The following ASIC2 variants were observed in gnomAD, a reference collection of about 807,000 sequenced individuals.
ASIC2 encodes acid sensing ion channel subunit 2, also known as acid-sensing ion channel 2.
Under a neutral mutation model 57.3 loss-of-function variants are expected in ASIC2, and 25 were observed. The ratio of observed to expected loss-of-function variants is 0.44; its 90% CI spans 0.32 to 0.61. ASIC2 has a LOEUF of 0.61. ASIC2 is among the 20% of genes least tolerant of loss of function. ASIC2 has a pLI of 0.06. For missense variants in ASIC2, 641 were observed against 738.1 expected, an observed-to-expected ratio of 0.87 and a Z score of 1.52; for synonymous variants, 319 against 307.5, an observed-to-expected ratio of 1.04 and a Z score of -0.39.
chr17:33,541,262 T>G (rs570951300), intron 1 of ASIC2: 1 of 152,282 alleles, frequency 6.6e-6, no homozygotes, highest in South Asian at 2.1e-4. Flanking sequence ...TCTCTCTCTC[T>G]CTCTTAAATT....
chr17:33,306,459 A>C (rs1387468572), intron 1 of ASIC2, among the ~76,000 whole-genome samples: 7 of 152,156 alleles, frequency 4.6e-5, no homozygotes, highest in African/African-American at 1.4e-4. Context: ...TTGGAACTGC[A>C]GTTTTACTCG....
chr17:33,322,743 G>T (rs140461437), intron 1 of ASIC2, among the ~76,000 whole-genome samples: 2 of 152,214 alleles, frequency 1.3e-5, no homozygotes, highest in East Asian at 1.9e-4. Context: ...GGGAGAGCAG[G>T]AAGAGCAGAG....
intron 1 of ASIC2, among the ~76,000 whole-genome samples, chr17:33,343,903 T>C (rs1310966243): frequency 6.6e-6 from 1 of 152,204 alleles, no homozygotes; most frequent in East Asian, 1.9e-4. Context: ...TTGCCCAGAC[T>C]TTGTCCCGTC....
chr17:33,787,552 G>A (rs1911642641), intron 1 of ASIC2, among the ~76,000 whole-genome samples: 1 of 152,160 alleles, frequency 6.6e-6, no homozygotes, highest in Non-Finnish European at 1.5e-5. Context: ...CCTCTAGAAG[G>A]TATCATGTTC....
chr17:33,951,542 C>G (rs1346170531), intron 1 of ASIC2, among the ~76,000 whole-genome samples: 2 of 151,966 alleles, frequency 1.3e-5, no homozygotes, highest in Admixed American at 1.3e-4. Flanking sequence ...TGCCTATACG[C>G]TATACCTATT....
intron 1 of ASIC2, among the ~76,000 whole-genome samples, chr17:34,008,174 T>C (rs1906593117): frequency 6.6e-6 from 1 of 152,216 alleles, no homozygotes; most frequent in Non-Finnish European, 1.5e-5. Context: ...ATGCAGTAAT[T>C]ATGTCACTAT....
intron 1 of ASIC2, among the ~76,000 whole-genome samples, chr17:33,335,082 AG>A (rs1212323169): frequency 6.6e-6 from 1 of 152,236 alleles, no homozygotes. Context: ...CAAAAGAGAC[AG>A]GTCTATTATC....
chr17:33,225,680 G>T (rs1370517337), intron 1 of ASIC2, among the ~76,000 whole-genome samples: 1 of 152,182 alleles, frequency 6.6e-6, no homozygotes, highest in Non-Finnish European at 1.5e-5. Context: ...GATCAGTACA[G>T]CTCTGAGCAG....
chr17:33,234,477 C>T (rs1333978897), intron 1 of ASIC2, among the ~76,000 whole-genome samples: 1 of 152,158 alleles, frequency 6.6e-6, no homozygotes, highest in African/African-American at 2.4e-5. Flanking sequence ...TGGCCCTCTT[C>T]TCTGCCCACA....
Position 33,864,273 on chromosome 17 carries a change from AT to A in ASIC2, c.555+291704del, listed in dbSNP as rs1914175266. Among the ~76,000 whole-genome samples the A allele has an allele frequency of 2.0e-5, 3 of 152,314 alleles. No individual in the cohort carries two copies. The South Asian group carries it at 6.2e-4, about 32-fold the overall frequency. On this transcript the variant is annotated intron_variant, in intron 1 of 9. Coordinates refer to the ASIC2 transcript ENST00000359872. ...TATGTGGTGATTTAAAGTTTCCACTATACACATATTTATGGGGAAAAAAAGT... is the reference window on the plus strand; with the variant it reads ...TATGTGGTGATTTAAAGTTTCCACTAACACATATTTATGGGGAAAAAAAGT...
intron 1 of ASIC2, among the ~76,000 whole-genome samples, chr17:33,916,390 C>T (rs1915586137): frequency 2.0e-5 from 3 of 152,130 alleles, no homozygotes; most frequent in Admixed American, 2.0e-4. Flanking sequence ...ATGAAGCCCA[C>T]CCAGAGAGGT....
At chr17:33,022,675 C>A (rs1293452777) in intron 6 of ASIC2, among the ~76,000 whole-genome samples, 2 of 152,202 alleles carry the variant, frequency 1.3e-5, no homozygotes, top group Non-Finnish European at 2.9e-5. Context: ...TCTGTTAAAA[C>A]ACATTTTTTT....
intron 1 of ASIC2, among the ~76,000 whole-genome samples, chr17:33,498,881 G>C (rs1914019819): frequency 6.6e-6 from 1 of 152,168 alleles, no homozygotes; most frequent in Non-Finnish European, 1.5e-5. Context: ...GTATGTTAGA[G>C]ATGCAGGGAA....
intron 1 of ASIC2, among the ~76,000 whole-genome samples, chr17:33,265,150 G>A (rs1197643936): frequency 6.6e-6 from 1 of 152,178 alleles, no homozygotes; most frequent in Non-Finnish European, 1.5e-5. Context: ...TTTTCTTACA[G>A]GGCTCCTTTG....
chr17:33,717,544 C>T (rs1255339363), intron 1 of ASIC2, among the ~76,000 whole-genome samples: 1 of 152,158 alleles, frequency 6.6e-6, no homozygotes, highest in Non-Finnish European at 1.5e-5. Flanking sequence ...CTGGAAAGAC[C>T]CAACTGTCCG....
intron 3 of ASIC2, among the ~76,000 whole-genome samples, chr17:33,086,140 C>G (rs566835407): frequency 1.3e-5 from 2 of 152,184 alleles, no homozygotes; most frequent in African/African-American, 4.8e-5. Flanking sequence ...TCCCACCCAG[C>G]CCAGAAATTT....
chr17:33,063,493 C>G (rs1018449490), intron 3 of ASIC2, among the ~76,000 whole-genome samples: 3 of 151,992 alleles, frequency 2.0e-5, no homozygotes, highest in Non-Finnish European at 2.9e-5. Context: ...ATTGGCCCCC[C>G]CTCTCTTCTG....
At chr17:33,526,668 A>AAGGGGT (rs1311885330) in intron 1 of ASIC2, among the ~76,000 whole-genome samples, 1,928 of 152,202 alleles carry the variant, frequency 0.013, no homozygotes, top group African/African-American at 0.045. Context: ...TTATACAGCC[A>AAGGGGT]GGGCATTGGT....
intron 1 of ASIC2, among the ~76,000 whole-genome samples, chr17:33,245,699 A>G (rs1288973205): frequency 6.6e-6 from 1 of 152,170 alleles, no homozygotes; most frequent in African/African-American, 2.4e-5. Context: ...GAAGAGCATC[A>G]GAGGGTAACA....
Sources: gnomAD v4.1 joint callset for allele counts (sites outside exome capture counted in the v4.1 genomes callset) on GRCh38, gnomAD v4.1.1 for gene constraint, MANE v1.5 for transcripts, NCBI Gene and HGNC (gene_info 2026-07-23, HGNC 2026-07-21) for gene names.